Variants in TRIML2 observed in about 807,000 individuals in gnomAD.
TRIML2 encodes the protein tripartite motif family like 2, also known as probable E3 ubiquitin-protein ligase TRIML2.
TRIML2 carries 28 observed loss-of-function variants against 31.2 expected under a neutral mutation model. The ratio of observed to expected loss-of-function variants is 0.90; its 90% confidence interval spans 0.66 to 1.23. The LOEUF (loss-of-function observed/expected upper bound fraction) is 1.23, where lower values mean the gene tolerates loss of function less well. TRIML2 is among the 50% of genes most tolerant of loss of function. The pLI, the probability that TRIML2 is intolerant of heterozygous loss-of-function variation, is 0.00. For synonymous variants in TRIML2, 187 were observed against 197.5 expected, an observed-to-expected ratio of 0.95 and a Z score of 0.45; for missense variants, 536 against 528.3, an observed-to-expected ratio of 1.01 and a Z score of -0.14.
At chr4:188,098,186 C>T (rs1308302371) in intron 5 of TRIML2, 2 of 404,642 alleles carry the variant, frequency 4.9e-6, no homozygotes, top group Admixed American at 6.0e-5. Context: ...ATACAAAATT[C>T]AAAATATGCA....
At chr4:188,094,898 A>G (rs376603997) in intron 7 of TRIML2, among the ~76,000 whole-genome samples, 2 of 152,342 alleles carry the variant, frequency 1.3e-5, no homozygotes, top group African/African-American at 4.8e-5. Context: ...GTTATCAATC[A>G]AGCCAGTGTG....
intron 3 of TRIML2, among the ~76,000 whole-genome samples, chr4:188,102,576 T>C (rs1733845782): frequency 6.6e-6 from 1 of 151,926 alleles, no homozygotes; most frequent in South Asian, 2.1e-4. Context: ...TCAGTGAAAT[T>C]GTCCGGGCTC....
intron 7 of TRIML2, among the ~76,000 whole-genome samples, chr4:188,096,528 C>CAAAA (rs10607852): frequency 0.052 from 2,031 of 39,310 alleles, 327 homozygotes; most frequent in Non-Finnish European, 0.08. Flanking sequence ...AACTCTGTCT[C>CAAAA]AAAAAAAAAA....
chr4:188,091,851 T>A lies in TRIML2; in HGVS notation c.836A>T (p.Asp279Val). Residue 279 changes from aspartate (D) to valine (V), a missense_variant, in exon 8 of 8, where the codon GAT becomes GTT. Asp to Val is a radical substitution (Grantham distance 152, BLOSUM62 -3). Coordinates refer to ENST00000682553, the MANE Select transcript of TRIML2 (RefSeq NM_173553.4). ...CAATCTTTCTGGGTTGCCAGCCCCATCCTGCTGCCCATGTCTCAATCTCAT... is the reference window on the plus strand; with the variant it reads ...CAATCTTTCTGGGTTGCCAGCCCCAACCTGCTGCCCATGTCTCAATCTCAT... ...RTMRLRHGQQ[D>V]GAGNPERLDF... The A allele has an allele frequency of 1.2e-6, 2 of 1,614,150 alleles. No individual in the cohort carries two copies. Among genetic ancestry groups the A allele is most frequent in the African/African-American group, 1.3e-5 (1 of 75,046 alleles).
intron 3 of TRIML2, among the ~76,000 whole-genome samples, chr4:188,101,899 G>C (rs547143862): frequency 1.3e-5 from 2 of 151,762 alleles, no homozygotes; most frequent in South Asian, 4.2e-4. Context: ...GGGAGGCCGA[G>C]GCAGGCGGAT....
In TRIML2 at chr4:188,097,366, C is replaced by T; in HGVS notation, c.622-20G>A. Reference sequence around the variant, plus strand: ...TGCATTCTAAGGGAAAGAAAAGAGACCAGGTTACTACTGGGTTTTTGAGCT... The same window carrying T: ...TGCATTCTAAGGGAAAGAAAAGAGATCAGGTTACTACTGGGTTTTTGAGCT... On this transcript the variant is annotated intron_variant, in intron 5 of 7. Transcript: ENST00000682553. The T allele has an allele frequency of 6.2e-7, 1 of 1,613,470 alleles. No individual in the cohort carries two copies. The highest frequency in any genetic ancestry group is 1.3e-5 in the African/African-American group (1 of 74,990).
At chr4:188,099,873 T>C (rs1462983645) in intron 4 of TRIML2, among the ~76,000 whole-genome samples, 1 of 152,186 alleles carries the variant, frequency 6.6e-6, no homozygotes, top group African/African-American at 2.4e-5. Flanking sequence ...ATAGATTAAC[T>C]AATAAGAAAT....
Position 188,099,052 on chromosome 4 carries a change from T to C in TRIML2, c.604A>G (p.Thr202Ala). ...CATCTTACCTTGAGCAATGCCAAGG[T>C]GCCTTCCCCACACTTTTTCTCAAGC... is the stretch of plus-strand genomic sequence containing the variant. ...VELEKKCGEG[T>A]LALLKNAKYS... The change falls in exon 5 of 8, where the codon ACC (threonine) becomes GCC (alanine). Residue 202 changes from threonine (T) to alanine (A), a missense_variant. Physicochemically the swap from Thr to Ala is moderately conservative, Grantham distance 58. Transcript: ENST00000682553. 1.9e-6 allele frequency: 3 copies of C among 1,614,192 alleles called. No homozygotes were observed. The highest frequency in any genetic ancestry group is 2.5e-6 in the Non-Finnish European group (3 of 1,180,036).
intron 3 of TRIML2, among the ~76,000 whole-genome samples, chr4:188,102,129 TAAAAAAAAA>T (rs141783514): frequency 9.4e-6 from 1 of 106,304 alleles, no homozygotes; most frequent in Non-Finnish European, 2.0e-5. Context: ...GACTCCATCT[TAAAAAAAAA>T]AAAAAAAAAA....
intron 1 of TRIML2, among the ~76,000 whole-genome samples, chr4:188,107,740 CTA>C (rs2111195704): frequency 6.6e-6 from 1 of 152,266 alleles, no homozygotes; most frequent in East Asian, 1.9e-4. Flanking sequence ...GCTGTGAAGT[CTA>C]TGTTCAAGCC....
intron 7 of TRIML2, among the ~76,000 whole-genome samples, chr4:188,093,843 G>A (rs1733376952): frequency 6.6e-6 from 1 of 151,950 alleles, no homozygotes; most frequent in Non-Finnish European, 1.5e-5. Flanking sequence ...GGTGGCTCAC[G>A]CCTTTAATCC....
At chr4:188,100,169 G>A (rs1350915551) in intron 4 of TRIML2, among the ~76,000 whole-genome samples, 1 of 152,028 alleles carries the variant, frequency 6.6e-6, no homozygotes, top group Non-Finnish European at 1.5e-5. Flanking sequence ...CAAATACAGG[G>A]TGTTTCTAAC....
intron 7 of TRIML2, among the ~76,000 whole-genome samples, chr4:188,095,157 T>C (rs567481241): frequency 6.6e-6 from 1 of 152,306 alleles, no homozygotes; most frequent in South Asian, 2.1e-4. Flanking sequence ...CAGTGGTTCA[T>C]AGGCCACAAT....
intron 6 of TRIML2, 37 bp downstream of exon 6, chr4:188,097,287 T>G (rs368184637): frequency 1.7e-5 from 28 of 1,612,170 alleles, no homozygotes; most frequent in Non-Finnish European, 2.4e-5. Context: ...TACTGGACTC[T>G]GATTCTCACC....
At chr4:188,092,075 G>A in intron 7 of TRIML2, 134 bp from the exon 8 acceptor site, 1 of 853,946 alleles carries the variant, frequency 1.2e-6, no homozygotes, top group Non-Finnish European at 1.8e-6. Flanking sequence ...GGCAATTTGG[G>A]AGGGTCCAGG....
Position 188,101,113 on chromosome 4 carries a change from C to T in TRIML2, c.423G>A (p.Leu141=), listed in dbSNP as rs1733765580. The T allele has an allele frequency of 1.2e-6, 2 of 1,613,770 alleles. No individual in the cohort carries two copies. Among genetic ancestry groups the T allele is most frequent in the Non-Finnish European group, 1.7e-6 (2 of 1,179,868 alleles). Residue 141 remains leucine (L), a synonymous_variant, in exon 4 of 8, where the codon CTG becomes CTA. Transcript: ENST00000682553. ...CGGTGGCAAGCTTGATCGCTTGATTCAGAAGGGTTTCTCTCAGGTTCAAGT... is the reference window on the plus strand; with the variant it reads ...CGGTGGCAAGCTTGATCGCTTGATTTAGAAGGGTTTCTCTCAGGTTCAAGT... ...ISDLNLRETL[L]NQAIKLATEL...
intron 7 of TRIML2, among the ~76,000 whole-genome samples, chr4:188,095,517 C>A (rs1358537575): frequency 2.6e-5 from 4 of 152,200 alleles, no homozygotes. Flanking sequence ...ATATGCTCAG[C>A]ATCATTAGTC....
At position 188,104,939 on chromosome 4, in the gene TRIML2, A is replaced by C; in HGVS notation, c.190-7T>G. ...ATATTTCCTGGAATAACTTCTATAG[A>C]GAAAGCACAGAATTCCAGGTGAGAT... On this transcript the variant is annotated splice_polypyrimidine_tract_variant and splice_region_variant and intron_variant, in intron 2 of 7. Coordinates refer to ENST00000682553, the MANE Select transcript of TRIML2 (RefSeq NM_173553.4). 6.2e-7 allele frequency: 1 copy of C among 1,607,870 alleles called. No homozygotes were observed. Among genetic ancestry groups the C allele is most frequent in the East Asian group, 2.2e-5 (1 of 44,844 alleles).
chr4:188,092,232 G>A (rs982958176), intron 7 of TRIML2, among the ~76,000 whole-genome samples: 11 of 152,108 alleles, frequency 7.2e-5, no homozygotes, highest in South Asian at 2.1e-4. Flanking sequence ...CCAACGTGGC[G>A]CGGTGGCTCA....
Sources: gnomAD v4.1 joint callset for allele counts (sites outside exome capture counted in the v4.1 genomes callset) on GRCh38, gnomAD v4.1.1 for gene constraint, MANE v1.5 for transcripts, NCBI Gene and HGNC (gene_info 2026-07-23, HGNC 2026-07-21) for gene names.